The following CDC42BPB variants were observed in gnomAD, a reference collection of about 807,000 sequenced individuals.
CDC42BPB encodes the protein serine/threonine-protein kinase MRCK beta.
Under a neutral mutation model 214.9 loss-of-function variants are expected in CDC42BPB, and 37 were observed. That is an observed-to-expected ratio of 0.17 (90% CI 0.13 to 0.23). CDC42BPB has a LOEUF of 0.23. CDC42BPB is among the 10% of genes least tolerant of loss of function. The probability of loss-of-function intolerance (pLI) is 1.00; values close to 1 mark genes in which losing one functional copy is unlikely to be tolerated. For missense variants in CDC42BPB, 1,694 were observed against 2,227.0 expected, an observed-to-expected ratio of 0.76 and a Z score of 4.82; for synonymous variants, 931 against 884.0, an observed-to-expected ratio of 1.05 and a Z score of -0.94.
intron 5 of CDC42BPB, among the ~76,000 whole-genome samples, chr14:102,998,418 T>C (rs932662218): frequency 2.6e-5 from 4 of 152,198 alleles, no homozygotes; most frequent in East Asian, 1.9e-4. Flanking sequence ...TTGGTTTTGG[T>C]TGGAGGCTCT....
Position 102,946,312 on chromosome 14 carries a change from C to T in CDC42BPB, c.3748+156G>A, listed in dbSNP as rs34736721. Among the ~76,000 whole-genome samples, 206 of 56,354 alleles carry T rather than the reference C, an allele frequency of 3.7e-3. 3 individuals are homozygous for T. The highest frequency in any genetic ancestry group is 0.027 in the African/African-American group (176 of 6,452). 37.0% of individuals were successfully genotyped at this position (56,354 alleles called of 152,430 possible). On this transcript the variant is annotated intron_variant, in intron 28 of 36. Transcript: ENST00000361246. The stretch of plus-strand genomic sequence containing the variant: ...TGCTGGGATTACAGGCGTGAGCCAC[C>T]GCACCCGGCCTCGTCTGCTTCTTAA...
In CDC42BPB at chr14:102,968,816, C is replaced by T. The variant is rs531805666; in HGVS notation, c.1996-100G>A. ...ATCCCAAGCAAGTGCAGACACCTTC[C>T]CAAGGACTGTGTGTGCCTGGTCTAC... On this transcript the variant is annotated intron_variant, in intron 14 of 36. Transcript: ENST00000361246. 5 of 1,546,424 alleles carry T rather than the reference C, an allele frequency of 3.2e-6. No homozygotes were observed. In the South Asian group the frequency reaches 6.3e-5, roughly 19 times the overall value.
Position 102,970,203 on chromosome 14 carries a change from T to A in CDC42BPB, c.1943A>T (p.Glu648Val). The change falls in exon 14 of 37, where the codon GAG becomes GTG. Residue 648 changes from glutamate (E) to valine (V), a missense_variant. Around this residue, in one of 7 missense-constraint regions of CDC42BPB, gnomAD observed 462 missense variants for 513.5 expected, o/e 0.90. Coordinates refer to ENST00000361246, the MANE Select transcript of CDC42BPB (RefSeq NM_006035.4). Reference protein sequence around the residue: ...AEASKERKLREHSENFCKQME... With the variant: ...AEASKERKLRVHSENFCKQME... ...TTGCTTGCAGAAGTTCTCGCTGTGC[T>A]CACGAAGCTTGCGCTCCTTGGAGGC... is the stretch of plus-strand genomic sequence containing the variant. 6.2e-7 allele frequency: 1 copy of A among 1,614,024 alleles called. No homozygotes were observed. The highest frequency in any genetic ancestry group is 1.7e-5 in the Admixed American group (1 of 60,020).
At chr14:102,992,819 T>TTTTA (rs199642365) in intron 5 of CDC42BPB, among the ~76,000 whole-genome samples, 11 of 148,484 alleles carry the variant, frequency 7.4e-5, no homozygotes, top group East Asian at 1.9e-4. Context: ...AAAATATATA[T>TTTTA]TTTATTTATT....
At chr14:102,967,572 G>A (rs946724737) in intron 16 of CDC42BPB, among the ~76,000 whole-genome samples, 3 of 152,204 alleles carry the variant, frequency 2.0e-5, no homozygotes, top group South Asian at 2.1e-4. Flanking sequence ...TGCGGCTGCC[G>A]CACACCAGGC....
chr14:102,996,363 G>A (rs1245247504), intron 5 of CDC42BPB, among the ~76,000 whole-genome samples: 1 of 152,104 alleles, frequency 6.6e-6, no homozygotes, highest in Non-Finnish European at 1.5e-5. Flanking sequence ...GAGAGAGAAT[G>A]AGGAGAACGC....
intron 27 of CDC42BPB, 111 bp downstream of exon 27, chr14:102,947,610 C>T: frequency 2.1e-6 from 2 of 948,486 alleles, no homozygotes; most frequent in Non-Finnish European, 3.4e-6. Flanking sequence ...GAGGTTGAGA[C>T]CCTAGGGCCA....
chr14:103,028,947 A>G (rs1887196718), intron 1 of CDC42BPB, among the ~76,000 whole-genome samples: 1 of 152,222 alleles, frequency 6.6e-6, no homozygotes, highest in South Asian at 2.1e-4. Context: ...CCTTCTGCAT[A>G]TAAACCATTT....
intron 5 of CDC42BPB, among the ~76,000 whole-genome samples, chr14:102,989,590 A>G (rs1042330122): frequency 2.6e-5 from 4 of 152,234 alleles, no homozygotes; most frequent in Admixed American, 6.5e-5. Context: ...AATGAAGAGC[A>G]GGCCGGGTGC....
At position 102,940,194 on chromosome 14, in the gene CDC42BPB, C is replaced by G. The variant is rs567717519; in HGVS notation, c.4506+33G>C. ...CGCACAGACTGCACCGGGAGAAGCC[C>G]GCCCGCACAGGAGGGCACCGAGGCC... is the stretch of plus-strand genomic sequence containing the variant. On this transcript the variant is annotated intron_variant, in intron 31 of 36. Coordinates refer to ENST00000361246, the MANE Select transcript of CDC42BPB (RefSeq NM_006035.4). 4 of 1,611,952 alleles carry G rather than the reference C, an allele frequency of 2.5e-6. No homozygotes were observed. In the East Asian group the frequency reaches 8.9e-5, roughly 36 times the overall value.
intron 4 of CDC42BPB, 28 bp from the exon 5 acceptor site, chr14:102,999,741 A>T (rs763600545): frequency 1.2e-6 from 2 of 1,613,704 alleles, no homozygotes; most frequent in African/African-American, 2.7e-5. Context: ...AAGGGGAGAG[A>T]ATACCACATT....
intron 36 of CDC42BPB, among the ~76,000 whole-genome samples, chr14:102,934,792 A>ACT (rs1300176736): frequency 2.6e-5 from 4 of 151,934 alleles, no homozygotes; most frequent in African/African-American, 7.3e-5. Context: ...TGGGCAGATC[A>ACT]TGAGGTCAGG....
At chr14:102,935,523 C>T (rs1465849282) in intron 36 of CDC42BPB, among the ~76,000 whole-genome samples, 1 of 152,168 alleles carries the variant, frequency 6.6e-6, no homozygotes, top group East Asian at 1.9e-4. Context: ...GGTATAGTGC[C>T]TCACGCCTGT....
chr14:103,022,402 G>A (rs376294056), intron 1 of CDC42BPB, among the ~76,000 whole-genome samples: 3 of 152,034 alleles, frequency 2.0e-5, no homozygotes, highest in East Asian at 1.9e-4. Flanking sequence ...TCACTCTGTC[G>A]GCAGCCTGGA....
In CDC42BPB at chr14:103,012,177, T is replaced by A. The variant is rs769695479; in HGVS notation, c.187A>T (p.Thr63Ser). Residue 63 changes from threonine to serine, a missense_variant, in exon 2 of 37, where the codon ACA becomes TCA. Transcript: ENST00000361246. Reference protein sequence around the residue: ...AEFLEWAKPFTQLVKEMQLHR... With the variant: ...AEFLEWAKPFSQLVKEMQLHR... The stretch of plus-strand genomic sequence containing the variant: ...AGCTGCATTTCTTTCACCAGCTGTG[T>A]AAATGGTTTAGCTACAAGTAAAACA... 2 of 1,612,750 alleles carry A rather than the reference T, an allele frequency of 1.2e-6. No homozygotes were observed. The highest frequency in any genetic ancestry group is 2.7e-5 in the African/African-American group (2 of 74,908).
intron 33 of CDC42BPB, 26 bp from the exon 34 acceptor site, chr14:102,939,753 T>A (rs772535709): frequency 6.2e-7 from 1 of 1,614,082 alleles, no homozygotes; most frequent in East Asian, 2.2e-5. Flanking sequence ...ACTTTTGAGA[T>A]TCATGGATAC....
At chr14:103,037,410 C>T (rs1887724429) in intron 1 of CDC42BPB, among the ~76,000 whole-genome samples, 1 of 152,164 alleles carries the variant, frequency 6.6e-6, no homozygotes, top group East Asian at 1.9e-4. Context: ...CCTCCCATCT[C>T]AGCCTCCCGA....
In CDC42BPB at chr14:103,035,656, T is replaced by C. The variant is rs1436274626; in HGVS notation, c.175+21343A>G. 2.6e-5 allele frequency among the ~76,000 whole-genome samples: 4 copies of C among 151,832 alleles called. No individual in the cohort carries two copies. In the East Asian group the frequency reaches 5.9e-4, roughly 22 times the overall value. On this transcript the variant is annotated intron_variant, in intron 1 of 36. Coordinates refer to ENST00000361246, the MANE Select transcript of CDC42BPB (RefSeq NM_006035.4). ...GAGATTGAGACCATCCTGGCTAACA[T>C]GGTGAAACCCCATCTCTTCTAAAAA...
intron 33 of CDC42BPB, 25 bp from the exon 34 acceptor site, chr14:102,939,752 A>C (rs200207520): frequency 6.2e-7 from 1 of 1,614,110 alleles, no homozygotes; most frequent in African/African-American, 1.3e-5. Flanking sequence ...CACTTTTGAG[A>C]TTCATGGATA....
Sources: gnomAD v4.1 joint callset for allele counts (sites outside exome capture counted in the v4.1 genomes callset) on GRCh38, gnomAD v4.1.1 for gene constraint, gnomAD v4.1.1 regional missense constraint, MANE v1.5 for transcripts, NCBI Gene and HGNC (gene_info 2026-07-23, HGNC 2026-07-21) for gene names.